ZNF556: variants seen among roughly 807,000 people sequenced by gnomAD.
ZNF556 encodes zinc finger protein 556.
In ZNF556, 11 loss-of-function variants were observed where a neutral mutation model predicts 13.6. That is an observed-to-expected ratio of 0.81 (90% CI 0.51 to 1.33). ZNF556 has a LOEUF of 1.33. Ranked by LOEUF, ZNF556 falls within the 40% of genes most tolerant of loss-of-function variation. The probability of loss-of-function intolerance (pLI) is 0.00; values close to 1 mark genes in which losing one functional copy is unlikely to be tolerated. For missense variants in ZNF556, 633 were observed against 566.2 expected, an observed-to-expected ratio of 1.12 and a Z score of -1.20; for synonymous variants, 229 against 207.8, an observed-to-expected ratio of 1.10 and a Z score of -0.88.
chr19:2,867,873 C>G (rs2087770503), intron 1 of ZNF556, among the ~76,000 whole-genome samples: 1 of 152,182 alleles, frequency 6.6e-6, no homozygotes, highest in Non-Finnish European at 1.5e-5. Flanking sequence ...GCGGCACGGG[C>G]TGGCCTGACC....
chr19:2,878,399 A>G lies in ZNF556; in HGVS notation c.*70A>G, dbSNP rs11084965. ...AATTCACAGCAGGAGGGCCGGGCGCAGTGGCTCACGCCTGTAATCCCAGCA... is the reference window on the plus strand; with the variant it reads ...AATTCACAGCAGGAGGGCCGGGCGCGGTGGCTCACGCCTGTAATCCCAGCA... On this transcript the variant is annotated 3_prime_UTR_variant, in exon 4 of 4. Transcript: ENST00000307635. The G allele has an allele frequency of 0.54, 810,720 of 1,513,158 alleles. 219,878 individuals are homozygous for G. Among genetic ancestry groups the G allele is most frequent in the East Asian group, 0.78 (34,670 of 44,166 alleles). 93.7% of individuals were successfully genotyped at this position (1,513,158 alleles called of 1,614,324 possible).
Position 2,877,534 on chromosome 19 carries a change from G to A in ZNF556, c.576G>A (p.Thr192=), listed in dbSNP as rs201103084. Residue 192 remains threonine (T), a synonymous_variant, in exon 4 of 4, where the codon ACG becomes ACA. Coordinates refer to ENST00000307635, the MANE Select transcript of ZNF556 (RefSeq NM_024967.3). ...TCAGTCGCCCTTCCTACCTACAGAC[G>A]CATGAGAAAACTCACAGTGGAGAGA... The part of the protein sequence containing the change: ...KAFSRPSYLQ[T]HEKTHSGEKP... 1.1e-4 allele frequency: 184 copies of A among 1,613,922 alleles called. No homozygotes were observed. The highest frequency in any genetic ancestry group is 1.4e-4 in the Non-Finnish European group (164 of 1,180,018).
At chr19:2,875,541 G>T in intron 2 of ZNF556, 3 of 168,338 alleles carry the variant, frequency 1.8e-5, no homozygotes, top group South Asian at 2.9e-4. Flanking sequence ...TGGTTCTGGA[G>T]ACCCTGCTTA....
rs928603770 is a variant in ZNF556, at chr19:2,877,608, C to G, written c.650C>G (p.Ser217Cys). ...SCGKTFLRSH[S>C]LTEHVRTHTG... Reference sequence around the variant, plus strand: ...GGGAAGACATTTCTTCGTTCCCACTCTCTCACTGAACATGTAAGGACTCAC... The same window carrying G: ...GGGAAGACATTTCTTCGTTCCCACTGTCTCACTGAACATGTAAGGACTCAC... The change falls in exon 4 of 4, where the codon TCT becomes TGT. Residue 217 changes from serine to cysteine, a missense_variant. Coordinates refer to ENST00000307635, the MANE Select transcript of ZNF556 (RefSeq NM_024967.3). The G allele has an allele frequency of 6.2e-7, 1 of 1,614,222 alleles. No homozygotes were observed.
Position 2,880,067 on chromosome 19 carries a change from A to G in ZNF556, c.*1738A>G, listed in dbSNP as rs1293161901. ...ATAAAGAATAATTTTTTAAAAAAGC[A>G]CAGGGGATTGTTTCCCTACTGCATC... is the stretch of plus-strand genomic sequence containing the variant. On this transcript the variant is annotated 3_prime_UTR_variant, in exon 4 of 4. Coordinates refer to ENST00000307635, the MANE Select transcript of ZNF556 (RefSeq NM_024967.3). The G allele has an allele frequency of 6.6e-6, 1 of 152,130 alleles. No individual in the cohort carries two copies. The highest frequency in any genetic ancestry group is 1.5e-5 in the Non-Finnish European group (1 of 68,010). 9.4% of individuals were successfully genotyped at this position (152,130 alleles called of 1,614,324 possible). A position where few individuals can be genotyped will look rare whatever the true frequency, so the allele number is the denominator to read the frequency against.
rs1051152410 is a variant in ZNF556, at chr19:2,880,846, A to C, written c.*2517A>C. 1 of 150,248 alleles carries C rather than the reference A, an allele frequency of 6.7e-6. No homozygotes were observed. Among genetic ancestry groups the C allele is most frequent in the Non-Finnish European group, 1.5e-5 (1 of 67,652 alleles). The allele number at this position is 150,248 out of a possible 1,614,324, so 9.3% of individuals were successfully genotyped here. ...TCTTTCTAGTACATTTGTTTCCTATACTGTTATAATTTTGTCTAAGAAATT... is the reference window on the plus strand; with the variant it reads ...TCTTTCTAGTACATTTGTTTCCTATCCTGTTATAATTTTGTCTAAGAAATT... On this transcript the variant is annotated 3_prime_UTR_variant, in exon 4 of 4. Transcript: ENST00000307635.
chr19:2,876,204 C>A lies in ZNF556; in HGVS notation c.242C>A (p.Ala81Asp), dbSNP rs1248994288. ...AAGTTCACAAGAAAGAATATATGGG[C>A]CTCCCTTTTAGGAAAAAATTGGGAA... Reference protein sequence around the residue: ...IEKFTRKNIWASLLGKNWEEH... With the variant: ...IEKFTRKNIWDSLLGKNWEEH... Residue 81 changes from alanine (A) to aspartate (D), a missense_variant, in exon 3 of 4, where the codon GCC becomes GAC. Physicochemically the swap from Ala to Asp is moderately radical, Grantham distance 126 (BLOSUM62 -2). Coordinates refer to ENST00000307635, the MANE Select transcript of ZNF556 (RefSeq NM_024967.3). 1.9e-6 allele frequency: 3 copies of A among 1,610,214 alleles called. No individual in the cohort carries two copies. The African/African-American group carries it at 4.0e-5, about 22-fold the overall frequency.
chr19:2,876,204 C>G lies in ZNF556; in HGVS notation c.242C>G (p.Ala81Gly). The change falls in exon 3 of 4, where the codon GCC (alanine) becomes GGC (glycine). Residue 81 changes from alanine (A) to glycine (G), a missense_variant. Physicochemically the swap from Ala to Gly is moderately conservative, Grantham distance 60 (BLOSUM62 0). Transcript: ENST00000307635. ...AAGTTCACAAGAAAGAATATATGGGCCTCCCTTTTAGGAAAAAATTGGGAA... is the reference window on the plus strand; with the variant it reads ...AAGTTCACAAGAAAGAATATATGGGGCTCCCTTTTAGGAAAAAATTGGGAA... ...IEKFTRKNIW[A>G]SLLGKNWEEH... is the part of the protein sequence containing the mutation. 1 of 1,610,332 alleles carries G rather than the reference C, an allele frequency of 6.2e-7. No homozygotes were observed. Among genetic ancestry groups the G allele is most frequent in the South Asian group, 1.1e-5 (1 of 90,036 alleles).
At chr19:2,873,440 C>G in intron 1 of ZNF556, 56 bp from the exon 2 acceptor site, 2 of 1,599,866 alleles carry the variant, frequency 1.3e-6, no homozygotes, top group Non-Finnish European at 1.7e-6. Flanking sequence ...GAGTTCAGTT[C>G]CGCAGTGCTG....
At chr19:2,875,433 T>A (rs893154560) in intron 2 of ZNF556, 1 of 151,846 alleles carries the variant, frequency 6.6e-6, no homozygotes, top group Non-Finnish European at 1.5e-5. Context: ...GACCTCGTGA[T>A]CCGCCCGCCT....
chr19:2,870,318 C>T (rs2087791568), intron 1 of ZNF556, among the ~76,000 whole-genome samples: 1 of 151,854 alleles, frequency 6.6e-6, no homozygotes, highest in Non-Finnish European at 1.5e-5. Context: ...ATTAGCCAGG[C>T]ATGGCGGCAC....
At position 2,877,648 on chromosome 19, in the gene ZNF556, C is replaced by G; in HGVS notation, c.690C>G (p.Pro230=). The G allele has an allele frequency of 2.5e-6, 4 of 1,614,162 alleles. No homozygotes were observed. The highest frequency in any genetic ancestry group is 3.4e-6 in the Non-Finnish European group (4 of 1,180,018). The change falls in exon 4 of 4, where the codon CCC becomes CCG. Residue 230 remains proline, a synonymous_variant. Transcript: ENST00000307635. ...EHVRTHTGEK[P]YECGQCGKGF... ...TAAGGACTCACACTGGAGAGAAACC[C>G]TACGAATGTGGGCAGTGTGGGAAAG...
At chr19:2,876,003 ATAATGAAG>A in intron 2 of ZNF556, 82 bp from the exon 3 acceptor site, 1 of 1,070,438 alleles carries the variant, frequency 9.3e-7, no homozygotes, top group Non-Finnish European at 1.4e-6. Context: ...ATAAAATCAC[ATAATGAAG>A]TCATGAAACA....
rs1388908345 is a variant in ZNF556, at chr19:2,881,531, T to G, written c.*3202T>G. 2.0e-5 allele frequency: 3 copies of G among 151,358 alleles called. No individual in the cohort carries two copies. The East Asian group carries it at 5.9e-4, about 30-fold the overall frequency. The allele number at this position is 151,358 out of a possible 1,614,324, so 9.4% of individuals were successfully genotyped here. ...GGCAGAGGTTGCAGTGAGCCAAGAT[T>G]GCGCCACTGCACTCCAGCCTGGGCG... On this transcript the variant is annotated 3_prime_UTR_variant, in exon 4 of 4. Transcript: ENST00000307635.
In ZNF556 at chr19:2,879,107, A is replaced by G. The variant is rs1444011444; in HGVS notation, c.*778A>G. The G allele has an allele frequency of 1.4e-4, 21 of 152,102 alleles. No homozygotes were observed. Among genetic ancestry groups the G allele is most frequent in the Admixed American group, 1.4e-3 (21 of 15,254 alleles). 9.4% of individuals were successfully genotyped at this position (152,102 alleles called of 1,614,324 possible). ...TATTCCACCTTTCCATTTTACAGGG[A>G]AAAACTATTTTTAATGTTAATACTT... On this transcript the variant is annotated 3_prime_UTR_variant, in exon 4 of 4. Coordinates refer to ENST00000307635, the MANE Select transcript of ZNF556 (RefSeq NM_024967.3).
rs201677478 is a variant in ZNF556, at chr19:2,874,269, A to AC, written c.130+647_130+648insC. Among the ~76,000 whole-genome samples, 1,389 of 152,186 alleles carry AC rather than the reference A, an allele frequency of 9.1e-3. 26 individuals carry two copies. Among genetic ancestry groups the AC allele is most frequent in the African/African-American group, 0.032 (1,325 of 41,526 alleles). On this transcript the variant is annotated intron_variant, in intron 2 of 3. Transcript: ENST00000307635. Reference sequence around the variant, plus strand: ...GAGACTCCGTCTCAAAAAATAAATAAATAAATAAATAAATATTTCTTGCTC... The same window carrying AC: ...GAGACTCCGTCTCAAAAAATAAATAACATAAATAAATAAATATTTCTTGCTC...
rs780871688 is a variant in ZNF556 at position 2,871,409 on chromosome 19, GT to G, written c.4-2086del. ...TGCCTGCGGCTGAGGGACAGGGGAA[GT>G]GGGGAGAGATGTTGGTCAAAGTGAA... On this transcript the variant is annotated intron_variant, in intron 1 of 3. Coordinates refer to ENST00000307635, the MANE Select transcript of ZNF556 (RefSeq NM_024967.3). 7.9e-5 allele frequency among the ~76,000 whole-genome samples: 12 copies of G among 152,334 alleles called. No individual in the cohort carries two copies. The East Asian group carries it at 1.3e-3, about 17-fold the overall frequency.
In ZNF556 at chr19:2,878,375, A is replaced by G; in HGVS notation, c.*46A>G. ...TTAATTCACATACATGGTTCAGAAA[A>G]TTCACAGCAGGAGGGCCGGGCGCAG... On this transcript the variant is annotated 3_prime_UTR_variant, in exon 4 of 4. Transcript: ENST00000307635. 1 of 1,583,038 alleles carries G rather than the reference A, an allele frequency of 6.3e-7. No individual in the cohort carries two copies. The highest frequency in any genetic ancestry group is 8.6e-7 in the Non-Finnish European group (1 of 1,164,250).
intron 3 of ZNF556, 61 bp downstream of exon 3, chr19:2,876,337 C>T (rs1599581983): frequency 7.6e-7 from 1 of 1,308,718 alleles, no homozygotes; most frequent in South Asian, 1.5e-5. Flanking sequence ...TGCCTGTAAT[C>T]CCAGCACTTC....
Sources: gnomAD v4.1 joint callset for allele counts (sites outside exome capture counted in the v4.1 genomes callset) on GRCh38, gnomAD v4.1.1 for gene constraint, MANE v1.5 for transcripts, NCBI Gene and HGNC (gene_info 2026-07-23, HGNC 2026-07-21) for gene names.